The following GPR50 variants were observed in gnomAD, a reference collection of about 807,000 sequenced individuals.
GPR50 encodes melatonin-related receptor.
Under a neutral mutation model 2.6 loss-of-function variants are expected in GPR50, and 1 was observed. That is an observed-to-expected ratio of 0.38 (90% CI 0.13 to 1.79). GPR50 has a LOEUF of 1.79. GPR50 is among the 40% of genes most tolerant of loss of function. The probability of loss-of-function intolerance (pLI) is 0.33; values close to 1 mark genes in which losing one functional copy is unlikely to be tolerated. For synonymous variants in GPR50, 233 were observed against 202.3 expected (o/e 1.15, Z -1.29); for missense variants, 535 against 522.1 (o/e 1.02, Z -0.24).
downstream of GPR50, chrX:151,182,290 C>A (rs756161371): frequency 9.0e-6 from 1 of 111,228 alleles, no homozygotes; most frequent in East Asian, 2.8e-4. Flanking sequence ...AAACTAGTTT[C>A]TTCTCCTAAA....
At position 151,181,409 on chromosome X, in the gene GPR50, A is replaced by T; in HGVS notation, c.1826A>T (p.Glu609Val). ...DYHDVVVIDV[E>V]DDPDEMAV ...CATGATGTCGTGGTTATTGATGTTG[A>T]AGATGATCCTGATGAAATGGCTGTG... Residue 609 changes from glutamate to valine, a missense_variant, in exon 2 of 2, where the codon GAA becomes GTA. Coordinates refer to ENST00000218316, the MANE Select transcript of GPR50 (RefSeq NM_004224.3). The T allele has an allele frequency of 8.4e-7, 1 of 1,187,026 alleles. No homozygotes were observed. Among genetic ancestry groups the T allele is most frequent in the East Asian group, 3.0e-5 (1 of 33,560 alleles).
At chrX:151,181,485 T>C, downstream of GPR50, 1 of 922,484 alleles carries the variant, frequency 1.1e-6, no homozygotes, top group Non-Finnish European at 1.5e-6. Context: ...TCTAGTTTGT[T>C]TTGCATATGT....
rs776809214 is a variant in GPR50 at position 151,180,758 on chromosome X, C to T, written c.1175C>T (p.Ser392Phe). The change falls in exon 2 of 2, where the codon TCC becomes TTC. Residue 392 changes from serine (S) to phenylalanine (F), a missense_variant. Ser to Phe is a radical substitution (Grantham distance 155). Transcript: ENST00000218316. ...ASGHPKPHSR[S>F]SSAYRKSAST... Reference sequence around the variant, plus strand: ...GGCCACCCTAAGCCCCATTCCAGATCCTCCTCTGCCTATCGCAAATCTGCC... The same window carrying T: ...GGCCACCCTAAGCCCCATTCCAGATTCTCCTCTGCCTATCGCAAATCTGCC... 8.3e-7 allele frequency: 1 copy of T among 1,207,480 alleles called. No individual in the cohort carries two copies. The highest frequency in any genetic ancestry group is 1.8e-5 in the African/African-American group (1 of 56,575).
chrX:151,180,511 C>G lies in GPR50; in HGVS notation c.928C>G (p.His310Asp). 8.3e-7 allele frequency: 1 copy of G among 1,211,354 alleles called. No individual in the cohort carries two copies. Among genetic ancestry groups the G allele is most frequent in the Non-Finnish European group, 1.1e-6 (1 of 895,270 alleles). Reference protein sequence around the residue: ...NFRREYWTIFHAMRHPIIFFS... With the variant: ...NFRREYWTIFDAMRHPIIFFS... The stretch of plus-strand genomic sequence containing the variant: ...CCGAAGAGAATACTGGACCATCTTC[C>G]ATGCTATGCGGCACCCTATCATATT... Residue 310 changes from histidine to aspartate, a missense_variant, in exon 2 of 2, where the codon CAT becomes GAT. Physicochemically the swap from His to Asp is moderately conservative, Grantham distance 81 (BLOSUM62 -1). Transcript: ENST00000218316.
At position 151,181,393 on chromosome X, in the gene GPR50, G is replaced by A. The variant is rs201645456; in HGVS notation, c.1810G>A (p.Val604Met). 2.5e-4 allele frequency: 297 copies of A among 1,189,748 alleles called. No individual in the cohort carries two copies. Among genetic ancestry groups the A allele is most frequent in the East Asian group, 1.8e-4 (6 of 33,587 alleles). ...TTSTNDYHDVVVIDVEDDPDE... is the reference protein window; with the variant it reads ...TTSTNDYHDVMVIDVEDDPDE... ...CAGTACCAATGATTACCATGATGTC[G>A]TGGTTATTGATGTTGAAGATGATCC... The change falls in exon 2 of 2, where the codon GTG becomes ATG. Residue 604 changes from valine (V) to methionine (M), a missense_variant. By Grantham distance (21) the Val-to-Met change is conservative. Coordinates refer to ENST00000218316, the MANE Select transcript of GPR50 (RefSeq NM_004224.3).
intron 1 of GPR50, among the ~76,000 whole-genome samples, chrX:151,178,431 C>T (rs950720105): frequency 8.9e-6 from 1 of 112,660 alleles, no homozygotes; most frequent in African/African-American, 3.2e-5. Context: ...CCTGCGAAGC[C>T]CATTTTATTC....
rs369011742 is a variant in GPR50, at chrX:151,180,234, G to A, written c.651G>A (p.Ala217=). 27 of 1,203,796 alleles carry A rather than the reference G, an allele frequency of 2.2e-5. No individual in the cohort carries two copies. Among genetic ancestry groups the A allele is most frequent in the South Asian group, 1.2e-4 (7 of 56,704 alleles). The change falls in exon 2 of 2, where the codon GCG becomes GCA. Residue 217 remains alanine (A), a synonymous_variant. Transcript: ENST00000218316. ...TGAGGATCTGGACCAAAGTGCTGGC[G>A]GCCCGTGACCCTGCAGGGCAGAATC... The part of the protein sequence containing the change: ...CYVRIWTKVL[A]ARDPAGQNPD...
At chrX:151,177,011 C>T in intron 1 of GPR50, 103 bp downstream of exon 1, 1 of 544,447 alleles carries the variant, frequency 1.8e-6, no homozygotes, top group South Asian at 3.1e-5. Flanking sequence ...ACAGTGCCCT[C>T]ATATTGAACA....
At chrX:151,179,446 T>C (rs111360110) in intron 1 of GPR50, among the ~76,000 whole-genome samples, 5 of 109,823 alleles carry the variant, frequency 4.6e-5, no homozygotes, top group African/African-American at 1.3e-4. Context: ...TAAAAACAAG[T>C]CCCTCTAGCT....
rs375321133 is a variant in GPR50 at position 151,180,069 on chromosome X, C to T, written c.486C>T (p.Pro162=). The change falls in exon 2 of 2, where the codon CCC becomes CCT. Residue 162 remains proline, a synonymous_variant. Transcript: ENST00000218316. ...TWIMTVLAVL[P]NMYIGTIEYD... Reference sequence around the variant, plus strand: ...TCATGACCGTCCTGGCTGTCCTGCCCAACATGTACATTGGCACCATCGAGT... The same window carrying T: ...TCATGACCGTCCTGGCTGTCCTGCCTAACATGTACATTGGCACCATCGAGT... 6 of 1,209,664 alleles carry T rather than the reference C, an allele frequency of 5.0e-6. No individual in the cohort carries two copies. The African/African-American group carries it at 8.7e-5, about 18-fold the overall frequency.
chrX:151,178,122 G>A (rs1334196592), intron 1 of GPR50, among the ~76,000 whole-genome samples: 1 of 110,353 alleles, frequency 9.1e-6, no homozygotes, highest in Non-Finnish European at 1.9e-5. Context: ...GCTAGGAGTG[G>A]GGACCGAAGG....
intron 1 of GPR50, among the ~76,000 whole-genome samples, chrX:151,178,281 T>G (rs912210073): frequency 1.8e-5 from 2 of 111,900 alleles, no homozygotes; most frequent in Non-Finnish European, 3.8e-5. Flanking sequence ...CACACAGTCA[T>G]TAAAAGTTTT....
chrX:151,180,375 G>A lies in GPR50; in HGVS notation c.792G>A (p.Pro264=), dbSNP rs374712678. The change falls in exon 2 of 2, where the codon CCG becomes CCA. Residue 264 remains proline (P), a synonymous_variant. Transcript: ENST00000218316. Reference sequence around the variant, plus strand: ...TCACTGTCTTGGTGGCTGTCAGTCCGAAGGAGATGGCAGGCAAGATCCCCA... The same window carrying A: ...TCACTGTCTTGGTGGCTGTCAGTCCAAAGGAGATGGCAGGCAAGATCCCCA... ...NVLTVLVAVS[P]KEMAGKIPNW... The A allele has an allele frequency of 2.7e-5, 33 of 1,208,663 alleles. No homozygotes were observed. The highest frequency in any genetic ancestry group is 8.7e-5 in the Admixed American group (4 of 45,745).
intron 1 of GPR50, among the ~76,000 whole-genome samples, chrX:151,178,803 T>A (rs1407503653): frequency 1.8e-5 from 2 of 112,394 alleles, no homozygotes; most frequent in Non-Finnish European, 3.8e-5. Context: ...CCTGGCCTCT[T>A]CCTTCTCTTT....
Position 151,181,393 on chromosome X carries a change from G to C in GPR50, c.1810G>C (p.Val604Leu), listed in dbSNP as rs201645456. The change falls in exon 2 of 2, where the codon GTG becomes CTG. Residue 604 changes from valine (V) to leucine (L), a missense_variant. By Grantham distance (32) the Val-to-Leu change is conservative. Coordinates refer to ENST00000218316, the MANE Select transcript of GPR50 (RefSeq NM_004224.3). ...TTSTNDYHDV[V>L]VIDVEDDPDE... ...CAGTACCAATGATTACCATGATGTC[G>C]TGGTTATTGATGTTGAAGATGATCC... is the stretch of plus-strand genomic sequence containing the variant. 1 of 1,191,481 alleles carries C rather than the reference G, an allele frequency of 8.4e-7. No individual in the cohort carries two copies. Among genetic ancestry groups the C allele is most frequent in the Admixed American group, 2.2e-5 (1 of 45,290 alleles).
intron 1 of GPR50, chrX:151,177,261 G>C (rs1278070149): frequency 1.3e-5 from 2 of 152,702 alleles, no homozygotes; most frequent in Non-Finnish European, 2.5e-5. Flanking sequence ...AGCCGAGCCG[G>C]ACGCCGCAAG....
At position 151,176,746 on chromosome X, in the gene GPR50, A is replaced by G; in HGVS notation, c.25A>G (p.Thr9Ala). Residue 9 changes from threonine (T) to alanine (A), a missense_variant, in exon 1 of 2, where the codon ACC becomes GCC. Thr to Ala is a moderately conservative substitution (Grantham distance 58). Transcript: ENST00000218316. ...CATGGGGCCCACCCTAGCGGTTCCCACCCCCTATGGCTGTATTGGCTGTAA... is the reference window on the plus strand; with the variant it reads ...CATGGGGCCCACCCTAGCGGTTCCCGCCCCCTATGGCTGTATTGGCTGTAA... MGPTLAVP[T>A]PYGCIGCKLP... 8.4e-7 allele frequency: 1 copy of G among 1,192,157 alleles called. No individual in the cohort carries two copies. The highest frequency in any genetic ancestry group is 1.1e-6 in the Non-Finnish European group (1 of 885,849).
Position 151,176,846 on chromosome X carries a change from A to T in GPR50, c.125A>T (p.Asp42Val), listed in dbSNP as rs1358231512. Residue 42 changes from aspartate to valine, a missense_variant, in exon 1 of 2, where the codon GAC (aspartate) becomes GTC (valine). By Grantham distance (152) the Asp-to-Val change is radical (BLOSUM62 -3). Transcript: ENST00000218316. ...GCGATGGTTATCACCATCGTTGTAG[A>T]CCTAATCGGCAACTCCATGGTCATT... ...FCAMVITIVV[D>V]LIGNSMVILA... 1 of 1,204,074 alleles carries T rather than the reference A, an allele frequency of 8.3e-7. No homozygotes were observed. The highest frequency in any genetic ancestry group is 1.1e-6 in the Non-Finnish European group (1 of 891,020).
chrX:151,178,391 A>G (rs1327617384), intron 1 of GPR50, among the ~76,000 whole-genome samples: 1 of 112,850 alleles, frequency 8.9e-6, no homozygotes, highest in Non-Finnish European at 1.9e-5. Context: ...TGCGGTCCCG[A>G]GGTGCAAACC....
Sources: allele counts gnomAD v4.1 joint callset (sites outside exome capture counted in the v4.1 genomes callset), GRCh38; gene constraint gnomAD v4.1.1; transcripts MANE v1.5; gene names NCBI Gene and HGNC (gene_info 2026-07-23, HGNC 2026-07-21).